Variants in NRG3 observed in about 807,000 individuals in gnomAD.
NRG3 encodes neuregulin 3.
Under a neutral mutation model 66.9 loss-of-function variants are expected in NRG3, and 31 were observed. The observed-to-expected ratio is 0.46, with a 90% CI of 0.35 to 0.63. The LOEUF (loss-of-function observed/expected upper bound fraction) is 0.63, where lower values mean the gene tolerates loss of function less well. NRG3 is among the 20% of genes least tolerant of loss of function. The pLI is 0.00. For missense variants in NRG3, 910 were observed against 878.9 expected, an observed-to-expected ratio of 1.04 and a Z score of -0.45; for synonymous variants, 393 against 359.4, an observed-to-expected ratio of 1.09 and a Z score of -1.06.
intron 1 of NRG3, among the ~76,000 whole-genome samples, chr10:82,338,343 C>T (rs897371940): frequency 6.6e-6 from 1 of 152,110 alleles, no homozygotes; most frequent in African/African-American, 2.4e-5. Context: ...ATGCTATAAC[C>T]ACATCCAGTA....
In NRG3 at chr10:82,823,570, A is replaced by C. The variant is rs576227305; in HGVS notation, c.1028-41841A>C. 9.9e-5 allele frequency among the ~76,000 whole-genome samples: 15 copies of C among 152,212 alleles called. No homozygotes were observed. In the East Asian group the frequency reaches 2.5e-3, roughly 26 times the overall value. On this transcript the variant is annotated intron_variant, in intron 3 of 8. Coordinates refer to ENST00000372141, the MANE Select transcript of NRG3 (RefSeq NM_001010848.4). Reference sequence around the variant, plus strand: ...GTTCCCCCACTCCCAGTTAGGACTAAGGCACTGATTCTCCCAGCTACTGGG... The same window carrying C: ...GTTCCCCCACTCCCAGTTAGGACTACGGCACTGATTCTCCCAGCTACTGGG...
chr10:82,414,480 G>T (rs1038980107), intron 2 of NRG3, among the ~76,000 whole-genome samples: 1 of 152,120 alleles, frequency 6.6e-6, no homozygotes, highest in Non-Finnish European at 1.5e-5. Flanking sequence ...GATATTAAGA[G>T]AGTTAATGAA....
chr10:81,914,999 G>A (rs965357569), intron 1 of NRG3, among the ~76,000 whole-genome samples: 4 of 152,118 alleles, frequency 2.6e-5, no homozygotes, highest in Admixed American at 6.5e-5. Context: ...TCATTAATTA[G>A]TGTATCCTGT....
At chr10:82,217,787 G>T (rs1467681602) in intron 1 of NRG3, among the ~76,000 whole-genome samples, 1 of 152,096 alleles carries the variant, frequency 6.6e-6, no homozygotes, top group Non-Finnish European at 1.5e-5. Context: ...TTGCAGAATC[G>T]AATGTTGCAA....
chr10:82,697,274 G>T (rs1201005640), intron 2 of NRG3, among the ~76,000 whole-genome samples: 1 of 152,170 alleles, frequency 6.6e-6, no homozygotes, highest in Non-Finnish European at 1.5e-5. Flanking sequence ...AGGAAAAAGT[G>T]TTAGGGAAGT....
At chr10:82,685,574 A>G (rs1224623176) in intron 2 of NRG3, among the ~76,000 whole-genome samples, 1 of 152,314 alleles carries the variant, frequency 6.6e-6, no homozygotes, top group South Asian at 2.1e-4. Flanking sequence ...CAGTTAGGCT[A>G]CACTACGTTT....
chr10:82,844,533 A>G (rs1803231840), intron 3 of NRG3, among the ~76,000 whole-genome samples: 1 of 152,168 alleles, frequency 6.6e-6, no homozygotes, highest in African/African-American at 2.4e-5. Flanking sequence ...CAATTTACTT[A>G]CCCTTATTGA....
chr10:82,378,022 G>A lies in NRG3; in HGVS notation c.953+19154G>A, dbSNP rs555330822. ...ATCTAATATTTGGATAACCAGTGAA[G>A]GGGAAATCTTGAGCTTTCAGTCACT... On this transcript the variant is annotated intron_variant, in intron 2 of 8. Transcript: ENST00000372141. Among the ~76,000 whole-genome samples the A allele has an allele frequency of 1.4e-4, 21 of 152,320 alleles. No individual in the cohort carries two copies. In the South Asian group the frequency reaches 4.3e-3, roughly 32 times the overall value.
At chr10:82,214,748 T>C (rs1384452146) in intron 1 of NRG3, among the ~76,000 whole-genome samples, 1 of 152,178 alleles carries the variant, frequency 6.6e-6, no homozygotes, top group East Asian at 1.9e-4. Flanking sequence ...GGGATTACTG[T>C]TGTGAGCCAC....
intron 3 of NRG3, among the ~76,000 whole-genome samples, chr10:82,823,836 TG>T (rs2062060864): frequency 6.6e-6 from 1 of 152,172 alleles, no homozygotes; most frequent in Non-Finnish European, 1.5e-5. Flanking sequence ...TTTTTTTAAT[TG>T]ACGTATAATT....
At chr10:81,911,542 A>G (rs1441764421) in intron 1 of NRG3, among the ~76,000 whole-genome samples, 1 of 141,540 alleles carries the variant, frequency 7.1e-6, no homozygotes, top group Non-Finnish European at 1.5e-5. Flanking sequence ...GTCAAGTCCC[A>G]TTTGCTGCTG....
chr10:81,996,052 T>C (rs1337912683), intron 1 of NRG3, among the ~76,000 whole-genome samples: 2 of 152,156 alleles, frequency 1.3e-5, no homozygotes, highest in Admixed American at 6.6e-5. Flanking sequence ...CTAAAGAGGA[T>C]TCTGCTTTCA....
chr10:82,425,229 G>C (rs2089347690), intron 2 of NRG3, among the ~76,000 whole-genome samples: 1 of 151,940 alleles, frequency 6.6e-6, no homozygotes, highest in Non-Finnish European at 1.5e-5. Flanking sequence ...CATCAACTTG[G>C]GGACTATAGA....
At chr10:82,957,828 C>T (rs1850209234) in intron 5 of NRG3, among the ~76,000 whole-genome samples, 1 of 151,846 alleles carries the variant, frequency 6.6e-6, no homozygotes, top group South Asian at 2.1e-4. Context: ...CACTTATTTC[C>T]AAATAAATAT....
At chr10:82,378,936 G>A (rs572108316) in intron 2 of NRG3, among the ~76,000 whole-genome samples, 1 of 152,198 alleles carries the variant, frequency 6.6e-6, no homozygotes, top group South Asian at 2.1e-4. Context: ...TCACACTAGG[G>A]AGGCTCAGAC....
At chr10:81,958,939 G>A (rs1850095981) in intron 1 of NRG3, among the ~76,000 whole-genome samples, 1 of 152,060 alleles carries the variant, frequency 6.6e-6, no homozygotes, top group South Asian at 2.1e-4. Flanking sequence ...GTCTATGTGG[G>A]ATATTAAAAT....
At chr10:82,693,042 C>T (rs544252171) in intron 2 of NRG3, among the ~76,000 whole-genome samples, 70 of 152,306 alleles carry the variant, frequency 4.6e-4, no homozygotes, top group African/African-American at 1.6e-3. Context: ...AGATGTTGCT[C>T]TACCCCAGGT....
chr10:82,785,902 G>C (rs2060341139), intron 3 of NRG3, among the ~76,000 whole-genome samples: 1 of 152,202 alleles, frequency 6.6e-6, no homozygotes, highest in Non-Finnish European at 1.5e-5. Context: ...ACCAGGTTCT[G>C]TTTGTCAAGA....
At chr10:82,499,827 A>C (rs747263131) in intron 2 of NRG3, among the ~76,000 whole-genome samples, 1 of 152,202 alleles carries the variant, frequency 6.6e-6, no homozygotes, top group African/African-American at 2.4e-5. Flanking sequence ...AAAAACCTTC[A>C]GGTAAATTCT....
Sources: allele counts gnomAD v4.1 joint callset (sites outside exome capture counted in the v4.1 genomes callset), GRCh38; gene constraint gnomAD v4.1.1; transcripts MANE v1.5; gene names NCBI Gene and HGNC (gene_info 2026-07-23, HGNC 2026-07-21).